Variants in MARCHF11 observed in about 807,000 individuals in gnomAD.
MARCHF11 encodes membrane associated ring-CH-type finger 11.
A neutral mutation model predicts 37.3 loss-of-function variants in MARCHF11; 29 were observed. The ratio of observed to expected loss-of-function variants is 0.78; its 90% CI spans 0.58 to 1.06. MARCHF11 has a LOEUF of 1.06. Ranked by LOEUF, MARCHF11 falls within the 50% of genes least tolerant of loss-of-function variation. MARCHF11 has a pLI of 0.00. For missense variants in MARCHF11, 482 were observed against 533.4 expected (o/e 0.90, Z 0.95); for synonymous variants, 233 against 228.0 (o/e 1.02, Z -0.20).
At chr5:16,100,454 G>A (rs1294231542) in intron 2 of MARCHF11, among the ~76,000 whole-genome samples, 2 of 152,220 alleles carry the variant, frequency 1.3e-5, no homozygotes, top group Non-Finnish European at 2.9e-5. Context: ...AATTCCAGGA[G>A]GAGGAAAATT....
rs182212496 is a variant in MARCHF11 at position 16,123,092 on chromosome 5, G to A, written c.694-32011C>T. 3.3e-5 allele frequency among the ~76,000 whole-genome samples: 5 copies of A among 152,152 alleles called. No homozygotes were observed. The East Asian group carries it at 7.7e-4, about 24-fold the overall frequency. On this transcript the variant is annotated intron_variant, in intron 2 of 3. Transcript: ENST00000332432. ...CCAGCGCAAGTCCATTCCCTCTTCC[G>A]AACCCTTTGCTTCTTGTCTGTTCAA...
intron 2 of MARCHF11, among the ~76,000 whole-genome samples, chr5:16,101,812 CT>C (rs1486103270): frequency 6.6e-6 from 1 of 152,202 alleles, no homozygotes; most frequent in Non-Finnish European, 1.5e-5. Flanking sequence ...AAGCAATGAC[CT>C]TCTCACTTGA....
chr5:16,084,291 T>A (rs1222491064), intron 3 of MARCHF11, among the ~76,000 whole-genome samples: 1 of 152,248 alleles, frequency 6.6e-6, no homozygotes, highest in Non-Finnish European at 1.5e-5. Flanking sequence ...TAGCTCTAGC[T>A]AGATATATTA....
chr5:16,119,639 T>C (rs1380475789), intron 2 of MARCHF11, among the ~76,000 whole-genome samples: 2 of 150,048 alleles, frequency 1.3e-5, no homozygotes, highest in African/African-American at 5.1e-5. Flanking sequence ...GGAAGCCTTA[T>C]AGGTTTTAAG....
intron 2 of MARCHF11, among the ~76,000 whole-genome samples, chr5:16,127,708 C>A (rs1346148478): frequency 6.6e-6 from 1 of 152,182 alleles, no homozygotes; most frequent in Non-Finnish European, 1.5e-5. Flanking sequence ...AACCCAGCTC[C>A]TAAGGCACAT....
chr5:16,085,990 A>ACCCAGAC (rs1736693197), intron 3 of MARCHF11, among the ~76,000 whole-genome samples: 1 of 148,406 alleles, frequency 6.7e-6, no homozygotes, highest in Non-Finnish European at 1.5e-5. Flanking sequence ...TTATTACTCA[A>ACCCAGAC]CCCAGACTTT....
chr5:16,106,234 G>A (rs982523565), intron 2 of MARCHF11, among the ~76,000 whole-genome samples: 2 of 152,154 alleles, frequency 1.3e-5, no homozygotes, highest in Non-Finnish European at 2.9e-5. Flanking sequence ...ATGAGCAAGC[G>A]GTGTCTCTGT....
intron 2 of MARCHF11, among the ~76,000 whole-genome samples, chr5:16,142,426 A>G (rs909298102): frequency 1.3e-5 from 2 of 152,178 alleles, no homozygotes; most frequent in Non-Finnish European, 2.9e-5. Flanking sequence ...TTCTGAGCCC[A>G]ATAGTGTCTT....
Position 16,067,148 on chromosome 5 carries a change from A to AT in MARCHF11, c.*322dup, listed in dbSNP as rs1434782234. ...AATTACACACAGAGCGAAAGCTTTC[A>AT]TAAAAATATATTTAAAACAAGCAAG... is the stretch of plus-strand genomic sequence containing the variant. On this transcript the variant is annotated 3_prime_UTR_variant, in exon 4 of 4. Transcript: ENST00000332432. 3.1e-5 allele frequency: 7 copies of AT among 223,438 alleles called. No homozygotes were observed. Among genetic ancestry groups the AT allele is most frequent in the Non-Finnish European group, 5.3e-5 (6 of 113,414 alleles). 13.8% of individuals were successfully genotyped at this position (223,438 alleles called of 1,614,324 possible). A position where few individuals can be genotyped will look rare whatever the true frequency, so the allele number is the denominator to read the frequency against.
intron 2 of MARCHF11, among the ~76,000 whole-genome samples, chr5:16,144,021 T>G (rs1358099813): frequency 6.6e-6 from 1 of 152,194 alleles, no homozygotes; most frequent in East Asian, 1.9e-4. Flanking sequence ...CAGCTGAATT[T>G]CTTTGTGGTT....
intron 2 of MARCHF11, among the ~76,000 whole-genome samples, chr5:16,148,143 C>G (rs1737828560): frequency 6.6e-6 from 1 of 152,000 alleles, no homozygotes; most frequent in Non-Finnish European, 1.5e-5. Context: ...CTTTCAACAG[C>G]ATATCCATTT....
rs1360324718 is a variant in MARCHF11, at chr5:16,150,542, T to C, written c.693+27184A>G. Among the ~76,000 whole-genome samples, 4 of 149,306 alleles carry C rather than the reference T, an allele frequency of 2.7e-5. 1 individual carries two copies. The highest frequency in any genetic ancestry group is 2.6e-4 in the Admixed American group (4 of 15,158). ...GTTTAACTCATTACCTGTTAGTGAG[T>C]TGGAGGTGGCCTTTTGTAACAGTGT... On this transcript the variant is annotated intron_variant, in intron 2 of 3. Transcript: ENST00000332432.
At chr5:16,124,592 G>T (rs1737369174) in intron 2 of MARCHF11, among the ~76,000 whole-genome samples, 2 of 152,108 alleles carry the variant, frequency 1.3e-5, no homozygotes, top group South Asian at 4.1e-4. Context: ...GTTTCTACAT[G>T]GGTCTGGGAA....
intron 2 of MARCHF11, among the ~76,000 whole-genome samples, chr5:16,125,667 G>GTGTA (rs1737394055): frequency 7.9e-6 from 1 of 126,962 alleles, no homozygotes; most frequent in Non-Finnish European, 1.6e-5. Flanking sequence ...GTGTGTGTGT[G>GTGTA]TGTTCATATT....
intron 2 of MARCHF11, among the ~76,000 whole-genome samples, chr5:16,138,387 GA>G (rs1489193492): frequency 6.6e-6 from 1 of 152,332 alleles, no homozygotes; most frequent in African/African-American, 2.4e-5. Flanking sequence ...CAGAAGTAAA[GA>G]AATGAGATTT....
intron 2 of MARCHF11, among the ~76,000 whole-genome samples, chr5:16,117,371 C>A (rs1345357744): frequency 1.3e-5 from 2 of 152,214 alleles, no homozygotes; most frequent in Non-Finnish European, 2.9e-5. Flanking sequence ...TTACAGCCAT[C>A]TGATAAAATG....
chr5:16,074,029 G>T (rs1375151604), intron 3 of MARCHF11, among the ~76,000 whole-genome samples: 3 of 152,058 alleles, frequency 2.0e-5, no homozygotes, highest in African/African-American at 7.2e-5. Context: ...ATTTAAGAAA[G>T]AAAATGAAAT....
chr5:16,165,145 G>A (rs1021444410), intron 2 of MARCHF11, among the ~76,000 whole-genome samples: 2 of 152,016 alleles, frequency 1.3e-5, no homozygotes, highest in African/African-American at 4.8e-5. Flanking sequence ...ATTTTTCAAA[G>A]GTAGGATCAT....
chr5:16,133,534 G>A (rs1202072368), intron 2 of MARCHF11, among the ~76,000 whole-genome samples: 11 of 152,270 alleles, frequency 7.2e-5, no homozygotes, highest in Non-Finnish European at 1.6e-4. Flanking sequence ...AAGAATTATT[G>A]TTGTAAGCCA....
Sources: gnomAD v4.1 joint callset for allele counts (sites outside exome capture counted in the v4.1 genomes callset) on GRCh38, gnomAD v4.1.1 for gene constraint, MANE v1.5 for transcripts, NCBI Gene and HGNC (gene_info 2026-07-23, HGNC 2026-07-21) for gene names.